The following THSD7B variants were observed in gnomAD, a reference collection of about 807,000 sequenced individuals.
The protein encoded by THSD7B is thrombospondin type 1 domain containing 7B, also known as thrombospondin type-1 domain-containing protein 7B.
In THSD7B, 138 loss-of-function variants were observed where a neutral mutation model predicts 213.6. The observed-to-expected ratio is 0.65, with a 90% CI of 0.56 to 0.74. The LOEUF is 0.74. Among genes scored for constraint, THSD7B ranks in the 30% least tolerant of loss-of-function variants. THSD7B has a pLI of 0.00. For synonymous variants in THSD7B, 742 were observed against 687.0 expected (o/e 1.08, Z -1.25); for missense variants, 1,931 against 1,991.5 (o/e 0.97, Z 0.58).
chr2:137,610,877 T>A (rs1307573139), intron 17 of THSD7B, among the ~76,000 whole-genome samples: 2 of 151,764 alleles, frequency 1.3e-5, no homozygotes, highest in African/African-American at 4.8e-5. Context: ...AGAAAACCGT[T>A]TCATCTTATA....
intron 7 of THSD7B, among the ~76,000 whole-genome samples, chr2:137,189,353 C>T (rs1178051367): frequency 6.6e-6 from 1 of 152,116 alleles, no homozygotes; most frequent in African/African-American, 2.4e-5. Flanking sequence ...ACAAAAATCC[C>T]CCTGTATACA....
chr2:137,526,950 C>T (rs966782206), intron 15 of THSD7B, among the ~76,000 whole-genome samples: 1 of 151,924 alleles, frequency 6.6e-6, no homozygotes, highest in African/African-American at 2.4e-5. Flanking sequence ...AATTTTGTAC[C>T]GCTTATCCAA....
In THSD7B at chr2:137,553,915, C is replaced by T. The variant is rs529511967; in HGVS notation, c.3139-9306C>T. On this transcript the variant is annotated intron_variant, in intron 15 of 27. Transcript: ENST00000409968. ...GTAGTTAATTTTTATTCTTGAATGC[C>T]CTGCTGCTTTTTTGACTTTTGTGGG... Among the ~76,000 whole-genome samples, 89 of 152,186 alleles carry T rather than the reference C, an allele frequency of 5.8e-4. 1 individual carries two copies. In the Middle Eastern group the frequency reaches 0.031, roughly 52 times the overall value.
intron 12 of THSD7B, among the ~76,000 whole-genome samples, chr2:137,311,990 G>A (rs1176389184): frequency 1.8e-4 from 27 of 147,346 alleles, no homozygotes; most frequent in African/African-American, 5.3e-4. Context: ...GTCTCTGCCC[G>A]GCTTTGGTAT....
intron 3 of THSD7B, among the ~76,000 whole-genome samples, chr2:137,061,126 T>A (rs890755332): frequency 2.0e-5 from 3 of 151,932 alleles, no homozygotes; most frequent in African/African-American, 7.2e-5. Context: ...ATTGTGTTTT[T>A]AATTTCATAT....
chr2:137,294,911 T>C (rs1294967536), intron 12 of THSD7B, among the ~76,000 whole-genome samples: 6 of 152,152 alleles, frequency 3.9e-5, no homozygotes, highest in African/African-American at 1.4e-4. Flanking sequence ...TATCTTTTCT[T>C]GTATTCACAG....
intron 1 of THSD7B, among the ~76,000 whole-genome samples, chr2:136,815,443 A>G (rs560569172): frequency 6.6e-6 from 1 of 152,314 alleles, no homozygotes; most frequent in East Asian, 1.9e-4. Flanking sequence ...CAGATCACCT[A>G]TCAGCATCCA....
At chr2:137,134,105 T>G (rs544427327) in intron 5 of THSD7B, among the ~76,000 whole-genome samples, 1 of 152,306 alleles carries the variant, frequency 6.6e-6, no homozygotes, top group East Asian at 1.9e-4. Flanking sequence ...CCTAAGACCC[T>G]TACAACATCC....
At chr2:137,295,442 C>T (rs1038973522) in intron 12 of THSD7B, among the ~76,000 whole-genome samples, 3 of 152,032 alleles carry the variant, frequency 2.0e-5, no homozygotes, top group African/African-American at 4.8e-5. Flanking sequence ...ACCAGTCTTA[C>T]ATAGAATATT....
intron 1 of THSD7B, among the ~76,000 whole-genome samples, chr2:136,851,266 C>A (rs1202116238): frequency 6.6e-6 from 1 of 151,960 alleles, no homozygotes; most frequent in Non-Finnish European, 1.5e-5. Context: ...TTATTCTCAT[C>A]TGCTATAAGT....
At chr2:137,453,834 A>T (rs1011878455) in intron 15 of THSD7B, among the ~76,000 whole-genome samples, 5 of 152,132 alleles carry the variant, frequency 3.3e-5, no homozygotes, top group Non-Finnish European at 7.4e-5. Flanking sequence ...ATAGTTTTGG[A>T]TTCCACATGT....
intron 17 of THSD7B, among the ~76,000 whole-genome samples, chr2:137,576,540 G>A (rs897952272): frequency 1.3e-5 from 2 of 152,124 alleles, no homozygotes; most frequent in African/African-American, 2.4e-5. Flanking sequence ...ACTTTGCAAA[G>A]AAACTATATA....
chr2:137,671,674 T>C (rs1348763865), intron 27 of THSD7B, among the ~76,000 whole-genome samples: 1 of 152,170 alleles, frequency 6.6e-6, no homozygotes, highest in East Asian at 1.9e-4. Context: ...GATGATTCAG[T>C]TACCTCCACC....
intron 1 of THSD7B, among the ~76,000 whole-genome samples, chr2:136,874,502 G>GT (rs1683493034): frequency 1.3e-5 from 2 of 152,200 alleles, no homozygotes; most frequent in South Asian, 4.1e-4. Flanking sequence ...CATAATCACA[G>GT]TTTCCTTTTC....
intron 2 of THSD7B, among the ~76,000 whole-genome samples, chr2:137,044,961 T>G (rs375693020): frequency 8.5e-5 from 13 of 152,362 alleles, no homozygotes; most frequent in Admixed American, 2.0e-4. Flanking sequence ...TAATGCTTTC[T>G]GGTGCAACAC....
intron 15 of THSD7B, among the ~76,000 whole-genome samples, chr2:137,520,292 GGATGAT>G (rs1680161381): frequency 6.6e-6 from 1 of 152,172 alleles, no homozygotes; most frequent in East Asian, 1.9e-4. Context: ...TCATGAAAAT[GGATGAT>G]GATGATAATG....
chr2:136,804,759 T>C (rs1682254017), intron 1 of THSD7B, among the ~76,000 whole-genome samples: 2 of 152,164 alleles, frequency 1.3e-5, no homozygotes, highest in African/African-American at 4.8e-5. Context: ...ATTTGGGTAC[T>C]TCAAAAATCT....
At chr2:137,526,771 T>A (rs1680287785) in intron 15 of THSD7B, among the ~76,000 whole-genome samples, 1 of 152,114 alleles carries the variant, frequency 6.6e-6, no homozygotes, top group Admixed American at 6.6e-5. Context: ...ATTATGGTAT[T>A]AATAATAAAT....
intron 7 of THSD7B, among the ~76,000 whole-genome samples, chr2:137,187,378 G>A (rs1310658848): frequency 1.3e-5 from 2 of 152,172 alleles, no homozygotes; most frequent in African/African-American, 4.8e-5. Context: ...CATAGACCAT[G>A]GTGTGCAAGT....
Sources: allele counts gnomAD v4.1 joint callset (sites outside exome capture counted in the v4.1 genomes callset), GRCh38; gene constraint gnomAD v4.1.1; transcripts MANE v1.5; gene names NCBI Gene and HGNC (gene_info 2026-07-23, HGNC 2026-07-21).